Variants in ALS2 observed in about 807,000 individuals in gnomAD.
ALS2 encodes alsin Rho guanine nucleotide exchange factor ALS2, also known as alsin.
Under a neutral mutation model 203.4 loss-of-function variants are expected in ALS2, and 117 were observed. That is an observed-to-expected ratio of 0.58 (90% confidence interval 0.50 to 0.67). ALS2 has a LOEUF of 0.67. ALS2 is among the 30% of genes least tolerant of loss of function. ALS2 has a pLI of 0.00. For synonymous variants in ALS2, 718 were observed against 725.9 expected (o/e 0.99, Z 0.17); for missense variants, 1,715 against 1,989.4 (o/e 0.86, Z 2.62).
chr2:201,713,529 T>C (rs934304594), intron 25 of ALS2, among the ~76,000 whole-genome samples: 2 of 152,220 alleles, frequency 1.3e-5, no homozygotes, highest in African/African-American at 4.8e-5. Context: ...TCTCAGTTGT[T>C]TAGATTTGAT....
Position 201,757,648 on chromosome 2 carries a change from C to T in ALS2, c.1225G>A (p.Ala409Thr). The T allele has an allele frequency of 6.2e-7, 1 of 1,614,164 alleles. No homozygotes were observed. The highest frequency in any genetic ancestry group is 2.2e-5 in the East Asian group (1 of 44,890). ...CASAVGVRVA[A>T]TYEAGALSLK... ...GACAAGGCACCAGCTTCATAAGTAG[C>T]AGCCACTCTCACACCAACAGCAGAT... The change falls in exon 5 of 34, where the codon GCT becomes ACT. Residue 409 changes from alanine (A) to threonine (T), a missense_variant. By Grantham distance (58) the Ala-to-Thr change is moderately conservative. Around this residue, in one of 3 missense-constraint regions of ALS2, gnomAD observed 476 missense variants for 539.3 expected, o/e 0.88. Transcript: ENST00000264276.
chr2:201,764,683 A>G (rs958554323), intron 3 of ALS2, among the ~76,000 whole-genome samples: 4 of 148,570 alleles, frequency 2.7e-5, no homozygotes, highest in African/African-American at 1.0e-4. Flanking sequence ...ATAAATAAAT[A>G]AAAGTGAATC....
intron 11 of ALS2, among the ~76,000 whole-genome samples, chr2:201,739,345 A>G (rs889934717): frequency 2.6e-5 from 4 of 152,032 alleles, no homozygotes; most frequent in African/African-American, 4.8e-5. Flanking sequence ...AGCAATATCT[A>G]TTACGTGGTA....
intron 11 of ALS2, 188 bp downstream of exon 11, chr2:201,741,486 T>C: frequency 3.3e-6 from 2 of 607,008 alleles, no homozygotes; most frequent in Non-Finnish European, 5.8e-6. Context: ...TTTTAAATTT[T>C]TTTTCATTTA....
At chr2:201,746,354 C>A (rs893235296) in intron 9 of ALS2, among the ~76,000 whole-genome samples, 1 of 152,084 alleles carries the variant, frequency 6.6e-6, no homozygotes, top group African/African-American at 2.4e-5. Flanking sequence ...AGACAATAGA[C>A]AAAGTGAGTA....
Position 201,704,558 on chromosome 2 carries a change from A to T in ALS2, c.4734T>A (p.Thr1578=), listed in dbSNP as rs1345072182. ...GGACACTCTGAGAGATCTCCTCAAAAGTCTGCTGGATGACCTTAAGTTTGT... is the reference window on the plus strand; with the variant it reads ...GGACACTCTGAGAGATCTCCTCAAATGTCTGCTGGATGACCTTAAGTTTGT... ...PSDKLKVIQQ[T]FEEISQSVLA... The change falls in exon 32 of 34, where the codon ACT becomes ACA. Residue 1578 remains threonine (T), a synonymous_variant. Transcript: ENST00000264276. 6.2e-7 allele frequency: 1 copy of T among 1,614,044 alleles called. No individual in the cohort carries two copies. The highest frequency in any genetic ancestry group is 1.7e-5 in the Admixed American group (1 of 59,996).
At position 201,778,732 on chromosome 2, in the gene ALS2, T is replaced by A. The variant is rs1198922317; in HGVS notation, c.-61+2145A>T. On this transcript the variant is annotated intron_variant, in intron 1 of 33. Coordinates refer to ENST00000264276, the MANE Select transcript of ALS2 (RefSeq NM_020919.4). ...AAACTCTCTACCAGGAAAATTCATA[T>A]CCTGAATACACTTGAAATACGTGGT... 2.6e-5 allele frequency among the ~76,000 whole-genome samples: 4 copies of A among 152,250 alleles called. No homozygotes were observed. The East Asian group carries it at 7.7e-4, about 29-fold the overall frequency.
chr2:201,736,805 T>C (rs2106031242), intron 12 of ALS2, among the ~76,000 whole-genome samples: 1 of 152,202 alleles, frequency 6.6e-6, no homozygotes, highest in Middle Eastern at 3.4e-3. Flanking sequence ...GTAGGAACAT[T>C]ATGCCAATAA....
chr2:201,726,733 A>G lies in ALS2; in HGVS notation c.3113T>C (p.Phe1038Ser). The G allele has an allele frequency of 6.2e-7, 1 of 1,614,176 alleles. No homozygotes were observed. Among genetic ancestry groups the G allele is most frequent in the Non-Finnish European group, 8.5e-7 (1 of 1,180,030 alleles). ...PPISRSAKYTFYKDPRLKDAT... is the reference protein window; with the variant it reads ...PPISRSAKYTSYKDPRLKDAT... The stretch of plus-strand genomic sequence containing the variant: ...ATCCTTTAGGCGAGGATCCTTGTAG[A>G]AAGTATATTTGGCACTGCGTGAAAT... Residue 1038 changes from phenylalanine to serine, a missense_variant, in exon 18 of 34, where the codon TTC becomes TCC. Phe to Ser is a radical substitution (Grantham distance 155). Around this residue, in one of 3 missense-constraint regions of ALS2, gnomAD observed 1,227 missense variants for 1,413.5 expected, o/e 0.87. Transcript: ENST00000264276.
chr2:201,760,564 T>A (rs1693699188), intron 4 of ALS2: 1 of 1,143,288 alleles, frequency 8.7e-7, no homozygotes, highest in African/African-American at 1.6e-5. Context: ...ATTAAACTAT[T>A]CAGGGCCCAC....
chr2:201,706,479 A>C (rs535920773), intron 29 of ALS2, among the ~76,000 whole-genome samples: 19 of 149,496 alleles, frequency 1.3e-4, no homozygotes, highest in Non-Finnish European at 2.8e-4. Context: ...AAGAATGCCA[A>C]AGATATGTAT....
chr2:201,744,148 G>T, intron 10 of ALS2, 110 bp downstream of exon 10: 1 of 1,213,314 alleles, frequency 8.2e-7, no homozygotes, highest in Non-Finnish European at 1.2e-6. Context: ...CAAAGACAGT[G>T]CATAGCAAGA....
rs1028593399 is a variant in ALS2 at position 201,764,394 on chromosome 2, G to C, written c.176-2576C>G. Among the ~76,000 whole-genome samples, 7 of 152,166 alleles carry C rather than the reference G, an allele frequency of 4.6e-5. No individual in the cohort carries two copies. In the South Asian group the frequency reaches 1.5e-3, roughly 32 times the overall value. On this transcript the variant is annotated intron_variant, in intron 3 of 33. Coordinates refer to ENST00000264276, the MANE Select transcript of ALS2 (RefSeq NM_020919.4). ...CGCCTGTAATCCCAGCACTTTGGGA[G>C]GCAGAGGCAGGCGAATCACTAGGTC...
At chr2:201,709,380 C>A (rs1023047600) in intron 27 of ALS2, among the ~76,000 whole-genome samples, 6 of 152,152 alleles carry the variant, frequency 3.9e-5, no homozygotes, top group African/African-American at 1.4e-4. Flanking sequence ...TCCATGACAG[C>A]AAAGACTGTT....
At chr2:201,739,224 C>T (rs1195165409) in intron 11 of ALS2, among the ~76,000 whole-genome samples, 3 of 93,206 alleles carry the variant, frequency 3.2e-5, no homozygotes, top group East Asian at 2.8e-4. Context: ...TGACAGGATA[C>T]GACTGTCTCC....
At chr2:201,727,841 T>C (rs950861288) in intron 15 of ALS2, 66 bp from the exon 16 acceptor site, 22 of 1,421,916 alleles carry the variant, frequency 1.5e-5, no homozygotes, top group South Asian at 9.8e-5. Flanking sequence ...TCTGCCCATA[T>C]CCCCTTCATG....
At chr2:201,758,101 T>A (rs2106081545) in intron 4 of ALS2, among the ~76,000 whole-genome samples, 1 of 152,302 alleles carries the variant, frequency 6.6e-6, no homozygotes, top group East Asian at 1.9e-4. Flanking sequence ...CTGCCTTTAA[T>A]GCCAAGTGCA....
At chr2:201,712,355 A>G (rs1478912792) in intron 25 of ALS2, among the ~76,000 whole-genome samples, 1 of 152,208 alleles carries the variant, frequency 6.6e-6, no homozygotes, top group Non-Finnish European at 1.5e-5. Flanking sequence ...GAATACTGGT[A>G]ATTTATTTAA....
At chr2:201,778,307 T>C (rs1694744846) in intron 1 of ALS2, 1 of 152,198 alleles carries the variant, frequency 6.6e-6, no homozygotes, top group African/African-American at 2.4e-5. Context: ...CACTAGCAGC[T>C]AAGCGAAACT....
Sources: gnomAD v4.1 joint callset for allele counts (sites outside exome capture counted in the v4.1 genomes callset) on GRCh38, gnomAD v4.1.1 for gene constraint, gnomAD v4.1.1 regional missense constraint, MANE v1.5 for transcripts, NCBI Gene and HGNC (gene_info 2026-07-23, HGNC 2026-07-21) for gene names.